The following LACTB variants were observed in gnomAD, a reference collection of about 807,000 sequenced individuals.
LACTB encodes serine beta-lactamase-like protein LACTB, mitochondrial.
LACTB carries 35 observed loss-of-function variants against 50.2 expected under a neutral mutation model. That is an observed-to-expected ratio of 0.70 (90% confidence interval 0.53 to 0.92). LACTB has a LOEUF of 0.92. LACTB is among the 40% of genes least tolerant of loss of function. The pLI is 0.00. For missense variants in LACTB, 664 were observed against 691.8 expected (o/e 0.96, Z 0.45); for synonymous variants, 252 against 268.2 (o/e 0.94, Z 0.59).
At chr15:63,123,516 TAAAAG>T (rs1235428714) in intron 2 of LACTB, among the ~76,000 whole-genome samples, 1 of 152,094 alleles carries the variant, frequency 6.6e-6, no homozygotes. Context: ...GACAAAGAGA[TAAAAG>T]AAAAGACAGC....
At chr15:63,125,074 G>A (rs1432626299) in intron 2 of LACTB, among the ~76,000 whole-genome samples, 5 of 152,096 alleles carry the variant, frequency 3.3e-5, no homozygotes, top group Non-Finnish European at 2.9e-5. Context: ...TAATCCCAGC[G>A]CTTAGGGAGT....
rs1368336615 is a variant in LACTB at position 63,126,905 on chromosome 15, G to C, written c.471G>C (p.Glu157Asp). The change falls in exon 3 of 6, where the codon GAG becomes GAC. Residue 157 changes from glutamate to aspartate, a missense_variant. Glu to Asp is a conservative substitution (Grantham distance 45). Coordinates refer to ENST00000261893, the MANE Select transcript of LACTB (RefSeq NM_032857.5). The stretch of plus-strand genomic sequence containing the variant: ...AGAACCGTGTACCATGTAAACCAGA[G>C]ACAGTTATGCGAATTGCTAGCATCA... ...DVENRVPCKP[E>D]TVMRIASISK... The C allele has an allele frequency of 3.1e-6, 5 of 1,612,460 alleles. No individual in the cohort carries two copies. The African/African-American group carries it at 4.0e-5, about 13-fold the overall frequency.
At chr15:63,127,123 T>G in intron 3 of LACTB, 74 bp downstream of exon 3, 1 of 1,179,488 alleles carries the variant, frequency 8.5e-7, no homozygotes, top group Non-Finnish European at 1.2e-6. Context: ...TTAAAATGTT[T>G]CATAGGATTC....
chr15:63,129,668 G>T lies in LACTB; in HGVS notation c.1118+18G>T, dbSNP rs769268890. On this transcript the variant is annotated intron_variant, in intron 5 of 5. Coordinates refer to ENST00000261893, the MANE Select transcript of LACTB (RefSeq NM_032857.5). ...AGAGCAAGGTAAATGAATACCTTCT[G>T]CTGTGTCTAGCTATATCGCATCTTA... 1.3e-6 allele frequency: 2 copies of T among 1,552,914 alleles called. No homozygotes were observed. Among genetic ancestry groups the T allele is most frequent in the Non-Finnish European group, 1.7e-6 (2 of 1,148,934 alleles).
chr15:63,137,112 G>T (rs1323817203), intron 5 of LACTB, among the ~76,000 whole-genome samples: 1 of 152,186 alleles, frequency 6.6e-6, no homozygotes, highest in Non-Finnish European at 1.5e-5. Flanking sequence ...TGGATATGTT[G>T]TTGTCTTGAA....
intron 5 of LACTB, among the ~76,000 whole-genome samples, chr15:63,134,151 A>C (rs1036137629): frequency 6.6e-6 from 1 of 151,948 alleles, no homozygotes; most frequent in Non-Finnish European, 1.5e-5. Flanking sequence ...AGTGGTTTTC[A>C]AACTGTAGGT....
chr15:63,137,890 G>A (rs1421995367), intron 5 of LACTB, among the ~76,000 whole-genome samples: 1 of 152,074 alleles, frequency 6.6e-6, no homozygotes, highest in Non-Finnish European at 1.5e-5. Context: ...CTCTCTACTG[G>A]TAGTTCAATT....
rs572687558 is a variant in LACTB, at chr15:63,127,588, A to G, written c.851A>G (p.Lys284Arg). 6.2e-7 allele frequency: 1 copy of G among 1,613,624 alleles called. No homozygotes were observed. Among genetic ancestry groups the G allele is most frequent in the Non-Finnish European group, 8.5e-7 (1 of 1,179,666 alleles). The change falls in exon 4 of 6, where the codon AAG becomes AGG. Residue 284 changes from lysine to arginine, a missense_variant. Coordinates refer to ENST00000261893, the MANE Select transcript of LACTB (RefSeq NM_032857.5). ...CGGAATTCAAAACCTGGCAAGAAAA[A>G]GAATGATTTTGAACAAGGCGAATTA... ...KCRNSKPGKK[K>R]NDFEQGELYL...
chr15:63,136,099 T>A (rs2037174167), intron 5 of LACTB, among the ~76,000 whole-genome samples: 2 of 151,310 alleles, frequency 1.3e-5, no homozygotes, highest in Admixed American at 1.3e-4. Flanking sequence ...AGGAATGCAG[T>A]GGCACAATCA....
chr15:63,122,731 T>G, intron 2 of LACTB, 29 bp downstream of exon 2: 1 of 1,473,788 alleles, frequency 6.8e-7, no homozygotes, highest in South Asian at 1.1e-5. Context: ...TGTTTTGTTC[T>G]GTGCCAGTTG....
chr15:63,126,804 A>G (rs1595714565), intron 2 of LACTB, 55 bp from the exon 3 acceptor site: 12 of 1,135,748 alleles, frequency 1.1e-5, no homozygotes, highest in Non-Finnish European at 1.5e-5. Context: ...GGGTTTGAAA[A>G]CTTGTTTGAC....
intron 2 of LACTB, among the ~76,000 whole-genome samples, chr15:63,125,009 G>A (rs932452534): frequency 5.3e-5 from 8 of 151,834 alleles, no homozygotes; most frequent in Non-Finnish European, 8.8e-5. Flanking sequence ...GTTGATGGGC[G>A]CAGTAGGGGT....
At position 63,141,285 on chromosome 15, in the gene LACTB, AT is replaced by A. The variant is rs755347012; in HGVS notation, c.1125del (p.Tyr375Ter). The A allele has an allele frequency of 6.3e-7, 1 of 1,585,182 alleles. No individual in the cohort carries two copies. The highest frequency in any genetic ancestry group is 8.6e-7 in the Non-Finnish European group (1 of 1,166,116). On this transcript the variant is annotated frameshift_variant, in exon 6 of 6. Transcript: ENST00000261893. LOFTEE classifies it high-confidence loss of function. ...EPVIYNRARFYVYNKKKRLVN... is the reference protein window; with the variant it reads ...EPVIYNRARFXVYNKKKRLVN... Reference sequence around the variant, plus strand: ...CATTTCTTATTTCCTTTTAGATTTTATGTTTACAATAAAAAGAAACGTCTTG... The same window carrying A: ...CATTTCTTATTTCCTTTTAGATTTTAGTTTACAATAAAAAGAAACGTCTTG...
intron 1 of LACTB, 85 bp from the exon 2 acceptor site, chr15:63,122,551 G>T: frequency 9.3e-7 from 1 of 1,076,698 alleles, no homozygotes. Flanking sequence ...AGGCTCAGGG[G>T]GCGGGGCCTT....
In LACTB at chr15:63,129,293, A is replaced by G. The variant is rs113168547; in HGVS notation, c.953-192A>G. 888 of 414,080 alleles carry G rather than the reference A, an allele frequency of 2.1e-3. 6 individuals carry two copies. Among genetic ancestry groups the G allele is most frequent in the African/African-American group, 0.017 (810 of 48,894 alleles). The allele number at this position is 414,080 out of a possible 1,614,324, so 25.7% of individuals were successfully genotyped here. On this transcript the variant is annotated intron_variant, in intron 4 of 5. Coordinates refer to ENST00000261893, the MANE Select transcript of LACTB (RefSeq NM_032857.5). ...CTGATCATAATTTTATTCTTGTGTT[A>G]AGGACTTGGAATAAGGACAGTTGCA... is the stretch of plus-strand genomic sequence containing the variant.
intron 2 of LACTB, among the ~76,000 whole-genome samples, chr15:63,125,359 G>A (rs866882672): frequency 3.2e-4 from 48 of 151,682 alleles, no homozygotes; most frequent in Admixed American, 4.6e-4. Context: ...GTAGAGACGG[G>A]GATTCTCCAT....
chr15:63,129,542 G>C lies in LACTB; in HGVS notation c.1010G>C (p.Arg337Thr), dbSNP rs746480283. ...GYTLLAAIVE[R>T]ASGCKYLDYM... ...ACCCTACTGGCAGCCATAGTAGAGA[G>C]AGCTTCAGGATGTAAATATTTGGAC... Residue 337 changes from arginine (R) to threonine (T), a missense_variant, in exon 5 of 6, where the codon AGA (arginine) becomes ACA (threonine). Physicochemically the swap from Arg to Thr is moderately conservative, Grantham distance 71. Coordinates refer to ENST00000261893, the MANE Select transcript of LACTB (RefSeq NM_032857.5). The C allele has an allele frequency of 3.7e-6, 6 of 1,613,240 alleles. No homozygotes were observed. The highest frequency in any genetic ancestry group is 3.3e-5 in the South Asian group (3 of 90,954).
At chr15:63,125,448 G>A (rs1367418773) in intron 2 of LACTB, among the ~76,000 whole-genome samples, 2 of 151,874 alleles carry the variant, frequency 1.3e-5, no homozygotes, top group Admixed American at 6.6e-5. Context: ...GATTACAGGC[G>A]TGAGCCACCG....
intron 1 of LACTB, 147 bp from the exon 2 acceptor site, chr15:63,122,489 G>A: frequency 2.6e-6 from 2 of 767,146 alleles, no homozygotes; most frequent in South Asian, 3.0e-5. Context: ...GTTAGTGAGT[G>A]ACCATGGCCT....
Sources: gnomAD v4.1 joint callset for allele counts (sites outside exome capture counted in the v4.1 genomes callset) on GRCh38, gnomAD v4.1.1 for gene constraint, MANE v1.5 for transcripts, NCBI Gene and HGNC (gene_info 2026-07-23, HGNC 2026-07-21) for gene names.